The following CELF6 variants were observed in gnomAD, a reference collection of about 807,000 sequenced individuals.
CELF6 encodes the protein Bruno -like 6, RNA binding protein.
Under a neutral mutation model 53.1 loss-of-function variants are expected in CELF6, and 32 were observed. The observed-to-expected ratio is 0.60, with a 90% CI of 0.46 to 0.81. CELF6 has a LOEUF of 0.81. Among genes scored for constraint, CELF6 ranks in the 30% least tolerant of loss-of-function variants. The probability of loss-of-function intolerance (pLI) is 0.00; values close to 1 mark genes in which losing one functional copy is unlikely to be tolerated. For synonymous variants in CELF6, 291 were observed against 288.8 expected (o/e 1.01, Z -0.08); for missense variants, 539 against 669.5 (o/e 0.81, Z 2.15).
At chr15:72,315,412 A>G (rs1397212934) in intron 2 of CELF6, among the ~76,000 whole-genome samples, 1 of 152,188 alleles carries the variant, frequency 6.6e-6, no homozygotes, top group Non-Finnish European at 1.5e-5. Context: ...CAAGGCACCA[A>G]AAATAACCAT....
chr15:72,287,250 G>C lies in CELF6; in HGVS notation c.*15C>G, dbSNP rs199611770. 3.1e-6 allele frequency: 5 copies of C among 1,612,914 alleles called. No individual in the cohort carries two copies. The highest frequency in any genetic ancestry group is 2.2e-5 in the South Asian group (2 of 90,986). On this transcript the variant is annotated 3_prime_UTR_variant, in exon 12 of 13. Transcript: ENST00000287202. ...TCAGGGACTCACCTTTCTGTGGCTG[G>C]TCAGTGAAAGCAGGTCAGTAAGGCC... is the stretch of plus-strand genomic sequence containing the variant.
At chr15:72,287,577 G>A (rs909708943) in intron 11 of CELF6, among the ~76,000 whole-genome samples, 185 bp from the exon 12 acceptor site, 1 of 152,198 alleles carries the variant, frequency 6.6e-6, no homozygotes, top group African/African-American at 2.4e-5. Flanking sequence ...GTGATTCTTG[G>A]AAGGATAGGA....
intron 2 of CELF6, among the ~76,000 whole-genome samples, chr15:72,309,978 G>T (rs1453272441): frequency 2.6e-5 from 4 of 152,178 alleles, no homozygotes; most frequent in Non-Finnish European, 4.4e-5. Context: ...GAGTGGGAAA[G>T]GTCAGAGGCC....
chr15:72,290,058 G>C, intron 4 of CELF6, 40 bp from the exon 5 acceptor site: 1 of 1,613,442 alleles, frequency 6.2e-7, no homozygotes, highest in South Asian at 1.1e-5. Flanking sequence ...CAGGCCACAG[G>C]GGCCAAAGAG....
intron 3 of CELF6, among the ~76,000 whole-genome samples, chr15:72,295,540 A>T (rs2088066770): frequency 6.6e-6 from 1 of 151,910 alleles, no homozygotes; most frequent in African/African-American, 2.4e-5. Flanking sequence ...CAGCCTGGCC[A>T]ACATAGTGAA....
rs547585170 is a variant in CELF6 at position 72,314,240 on chromosome 15, G to T, written c.345+1605C>A. 3.9e-5 allele frequency among the ~76,000 whole-genome samples: 6 copies of T among 152,344 alleles called. No individual in the cohort carries two copies. In the East Asian group the frequency reaches 5.8e-4, roughly 15 times the overall value. On this transcript the variant is annotated intron_variant, in intron 2 of 12. Transcript: ENST00000287202. ...TGCTTGGTAGCTCCAATTCAGAGAAGTGACTTCTTTATACTGAGCTGAAAT... is the reference window on the plus strand; with the variant it reads ...TGCTTGGTAGCTCCAATTCAGAGAATTGACTTCTTTATACTGAGCTGAAAT...
intron 1 of CELF6, among the ~76,000 whole-genome samples, chr15:72,316,842 T>C (rs1266944568): frequency 1.4e-5 from 2 of 140,518 alleles, no homozygotes; most frequent in East Asian, 3.9e-4. Context: ...GGAGATAGAG[T>C]GGCAACAAGA....
At chr15:72,312,663 AT>A (rs1177108828) in intron 2 of CELF6, among the ~76,000 whole-genome samples, 1 of 152,052 alleles carries the variant, frequency 6.6e-6, no homozygotes, top group East Asian at 1.9e-4. Context: ...AAACCATGAA[AT>A]TCCCCCTAGG....
Position 72,288,676 on chromosome 15 carries a change from C to T in CELF6, c.1094-58G>A. The T allele has an allele frequency of 6.7e-7, 1 of 1,500,282 alleles. No individual in the cohort carries two copies. The highest frequency in any genetic ancestry group is 1.9e-5 in the Admixed American group (1 of 52,536). 92.9% of individuals were successfully genotyped at this position (1,500,282 alleles called of 1,614,324 possible). On this transcript the variant is annotated intron_variant, in intron 9 of 12. Coordinates refer to ENST00000287202, the MANE Select transcript of CELF6 (RefSeq NM_052840.5). The surrounding 1 kb of genome is among the most constrained non-coding windows in gnomAD (Gnocchi z 4.6). ...CCAGGAGCCCTTCCCCAAGCAGGGC[C>T]CCAACTGCCTGGCCGCTTTTGACCA...
rs754883439 is a variant in CELF6 at position 72,315,876 on chromosome 15, C to T, written c.314G>A (p.Ser105Asn). 3.7e-6 allele frequency: 6 copies of T among 1,607,476 alleles called. No individual in the cohort carries two copies. The highest frequency in any genetic ancestry group is 5.1e-6 in the Non-Finnish European group (6 of 1,177,248). Residue 105 changes from serine to asparagine, a missense_variant, in exon 2 of 13, where the codon AGT becomes AAT. Physicochemically the swap from Ser to Asn is conservative, Grantham distance 46 (BLOSUM62 1). Coordinates refer to ENST00000287202, the MANE Select transcript of CELF6 (RefSeq NM_052840.5). Reference protein sequence around the residue: ...CARDSALKAQSALHEQKTLPG... With the variant: ...CARDSALKAQNALHEQKTLPG... Reference sequence around the variant, plus strand: ...CAGGGTCTTCTGCTCGTGCAGTGCACTCTGGGCCTTGAGAGCAGAGTCCCG... The same window carrying T: ...CAGGGTCTTCTGCTCGTGCAGTGCATTCTGGGCCTTGAGAGCAGAGTCCCG...
In CELF6 at chr15:72,288,350, T is replaced by C; in HGVS notation, c.1276A>G (p.Lys426Glu). ...FLPFGAVVSA[K>E]VFVDRATNQS... ...TTGGTGGCTCGATCCACAAAGACTT[T>C]AGCAGAGACAACGGCTCCAAAGGGC... The change falls in exon 11 of 13, where the codon AAA becomes GAA. Residue 426 changes from lysine to glutamate, a missense_variant. By Grantham distance (56) the Lys-to-Glu change is moderately conservative (BLOSUM62 1). This residue lies in a region of CELF6 where 358 missense variants were observed against 412.8 expected (regional missense o/e 0.87). Transcript: ENST00000287202. The surrounding 1 kb of genome is among the most constrained non-coding windows in gnomAD (Gnocchi z 4.6). The C allele has an allele frequency of 6.2e-7, 1 of 1,614,196 alleles. No individual in the cohort carries two copies. The highest frequency in any genetic ancestry group is 8.5e-7 in the Non-Finnish European group (1 of 1,180,034).
intron 3 of CELF6, among the ~76,000 whole-genome samples, chr15:72,302,656 A>G (rs146485015): frequency 3.0e-4 from 45 of 152,296 alleles, no homozygotes; most frequent in African/African-American, 1.1e-3. Context: ...CACTGACAAG[A>G]TGTAGTGGAC....
intron 2 of CELF6, among the ~76,000 whole-genome samples, chr15:72,305,589 C>T (rs1420142014): frequency 5.9e-5 from 9 of 152,302 alleles, no homozygotes; most frequent in Middle Eastern, 6.8e-3. Context: ...CCATCCCCTC[C>T]CTAGGGTCCC....
At chr15:72,300,452 C>T (rs1484426877) in intron 3 of CELF6, among the ~76,000 whole-genome samples, 1 of 151,614 alleles carries the variant, frequency 6.6e-6, no homozygotes, top group Non-Finnish European at 1.5e-5. Flanking sequence ...ATTTCAACCA[C>T]AAACCTCATG....
intron 3 of CELF6, among the ~76,000 whole-genome samples, chr15:72,299,198 C>T (rs1488787797): frequency 3.3e-5 from 5 of 150,820 alleles, no homozygotes; most frequent in South Asian, 2.1e-4. Flanking sequence ...ATCATGCCAC[C>T]GCACTCCAGC....
rs1299264401 is a variant in CELF6, at chr15:72,285,354, CA to C, written c.*1016del. On this transcript the variant is annotated 3_prime_UTR_variant, in exon 13 of 13. Transcript: ENST00000287202. Reference sequence around the variant, plus strand: ...AGCAAACCTTCCAAGTCTGTTGTCACAGCCCTCTACAGATATCCTGAATCTA... The same window carrying C: ...AGCAAACCTTCCAAGTCTGTTGTCACGCCCTCTACAGATATCCTGAATCTA... 1.3e-5 allele frequency: 2 copies of C among 152,520 alleles called. No homozygotes were observed. The highest frequency in any genetic ancestry group is 4.8e-5 in the African/African-American group (2 of 41,444). 9.4% of individuals were successfully genotyped at this position (152,520 alleles called of 1,614,324 possible).
chr15:72,295,747 A>T (rs1418101797), intron 3 of CELF6, among the ~76,000 whole-genome samples: 1 of 151,850 alleles, frequency 6.6e-6, no homozygotes, highest in African/African-American at 2.4e-5. Context: ...AAAAAAAATT[A>T]AGAAGACACA....
chr15:72,296,110 G>A (rs908434130), intron 3 of CELF6, among the ~76,000 whole-genome samples: 5 of 152,140 alleles, frequency 3.3e-5, no homozygotes, highest in Non-Finnish European at 5.9e-5. Flanking sequence ...AACAAGGGAG[G>A]CAAGGTCATT....
intron 3 of CELF6, among the ~76,000 whole-genome samples, chr15:72,294,747 G>A (rs951264700): frequency 1.1e-4 from 16 of 152,152 alleles, no homozygotes; most frequent in African/African-American, 3.9e-4. Context: ...GGAGGCCAAC[G>A]TGGGTGGATC....
Sources: gnomAD v4.1 joint callset for allele counts (sites outside exome capture counted in the v4.1 genomes callset) on GRCh38, gnomAD v4.1.1 for gene constraint, gnomAD v4.1.1 regional missense constraint, Gnocchi (gnomAD v3.1) non-coding constraint, MANE v1.5 for transcripts, NCBI Gene and HGNC (gene_info 2026-07-23, HGNC 2026-07-21) for gene names.